MAGI2: variants seen among roughly 807,000 people sequenced by gnomAD.
MAGI2 encodes membrane associated guanylate kinase, WW and PDZ domain containing 2.
A neutral mutation model predicts 133.3 loss-of-function variants in MAGI2; 35 were observed. The observed-to-expected ratio is 0.26, with a 90% confidence interval of 0.20 to 0.35. The LOEUF is 0.35. Among genes scored for constraint, MAGI2 ranks in the 10% least tolerant of loss-of-function variants. The pLI is 1.00. For missense variants in MAGI2, 1,636 were observed against 1,863.4 expected (o/e 0.88, Z 2.25); for synonymous variants, 729 against 710.6 (o/e 1.03, Z -0.41).
At chr7:79,231,923 T>C (rs1209242401) in intron 1 of MAGI2, among the ~76,000 whole-genome samples, 1 of 152,210 alleles carries the variant, frequency 6.6e-6, no homozygotes, top group South Asian at 2.1e-4. Context: ...TGATGCTGGC[T>C]GTGGGTTTGT....
chr7:79,171,770 ATTT>A (rs144599296), intron 1 of MAGI2, among the ~76,000 whole-genome samples: 480 of 31,210 alleles, frequency 0.015, 11 homozygotes, highest in African/African-American at 0.03. Flanking sequence ...ATATATATAT[ATTT>A]TTTTTTTTTT....
At chr7:78,322,146 C>A (rs1315183220) in intron 9 of MAGI2, among the ~76,000 whole-genome samples, 3 of 152,180 alleles carry the variant, frequency 2.0e-5, no homozygotes, top group African/African-American at 7.2e-5. Context: ...AATAGGAACA[C>A]TTTTACACTG....
chr7:78,556,638 C>T (rs2192658), intron 3 of MAGI2, among the ~76,000 whole-genome samples: 21,739 of 152,140 alleles, frequency 0.14, 2,371 homozygotes, highest in East Asian at 0.53. Flanking sequence ...AGAACCAATG[C>T]TAAGAACAAG....
chr7:78,828,153 G>A (rs1421939035), intron 2 of MAGI2, among the ~76,000 whole-genome samples: 1 of 152,168 alleles, frequency 6.6e-6, no homozygotes, highest in African/African-American at 2.4e-5. Flanking sequence ...CCAAAGTGCT[G>A]GGATTACAGG....
At chr7:78,680,169 A>G (rs1815491642) in intron 2 of MAGI2, among the ~76,000 whole-genome samples, 1 of 152,162 alleles carries the variant, frequency 6.6e-6, no homozygotes, top group Admixed American at 6.6e-5. Context: ...CTGAAAAATA[A>G]TGACGTGCTT....
intron 1 of MAGI2, among the ~76,000 whole-genome samples, chr7:79,196,892 C>A (rs1369520105): frequency 6.6e-6 from 1 of 151,814 alleles, no homozygotes. Flanking sequence ...CCCAGCCTCC[C>A]AAGTAGCTGG....
intron 1 of MAGI2, chr7:79,414,571 T>A (rs564571664): frequency 3.7e-4 from 57 of 152,210 alleles, no homozygotes; most frequent in African/African-American, 1.3e-3. Context: ...ATCTATTTGT[T>A]TAAAAATATT....
intron 2 of MAGI2, among the ~76,000 whole-genome samples, chr7:78,641,010 C>T (rs1810241460): frequency 6.6e-6 from 1 of 150,580 alleles, no homozygotes; most frequent in South Asian, 2.1e-4. Context: ...ATGATGAGTT[C>T]TCATGAGATC....
At chr7:78,289,704 G>A (rs1372423764) in intron 9 of MAGI2, among the ~76,000 whole-genome samples, 3 of 152,208 alleles carry the variant, frequency 2.0e-5, no homozygotes, top group South Asian at 2.1e-4. Flanking sequence ...GGCAGCCAGA[G>A]AGAAATGTTG....
chr7:78,432,346 C>T (rs1289383126), intron 6 of MAGI2, among the ~76,000 whole-genome samples: 3 of 151,958 alleles, frequency 2.0e-5, no homozygotes, highest in Non-Finnish European at 4.4e-5. Context: ...AATTGTAAGG[C>T]TGTACAATTA....
chr7:78,489,609 G>A (rs771559245), intron 6 of MAGI2, 152 bp downstream of exon 6: 65 of 670,754 alleles, frequency 9.7e-5, no homozygotes, highest in Non-Finnish European at 1.4e-4. Flanking sequence ...CTGAAATGCC[G>A]AGTTAATTCT....
chr7:78,179,604 T>G (rs950457626), intron 13 of MAGI2, among the ~76,000 whole-genome samples: 2 of 152,218 alleles, frequency 1.3e-5, no homozygotes, highest in African/African-American at 4.8e-5. Flanking sequence ...TTGTACAAGA[T>G]TCAATGAGCA....
At chr7:78,806,916 A>T (rs1316529012) in intron 2 of MAGI2, among the ~76,000 whole-genome samples, 1 of 145,078 alleles carries the variant, frequency 6.9e-6, no homozygotes, top group Admixed American at 6.8e-5. Flanking sequence ...ATAAAATAAA[A>T]TAAAATAAAT....
chr7:78,030,530 C>T lies in MAGI2; in HGVS notation c.3707-10554G>A, dbSNP rs903850318. 4.5e-4 allele frequency among the ~76,000 whole-genome samples: 68 copies of T among 152,322 alleles called. 1 individual carries two copies. The highest frequency in any genetic ancestry group is 6.8e-3 in the Middle Eastern group (2 of 294). ...TTGGCCTCCCAAAATGCTGGGATTA[C>T]AGGCATGAGCCACTGCACCCGGCCT... On this transcript the variant is annotated intron_variant, in intron 21 of 21. Transcript: ENST00000354212.
chr7:78,732,771 A>G (rs1821491289), intron 2 of MAGI2, among the ~76,000 whole-genome samples: 1 of 145,740 alleles, frequency 6.9e-6, no homozygotes, highest in Non-Finnish European at 1.5e-5. Flanking sequence ...GTAGAATCAT[A>G]GGTGATGTTT....
intron 1 of MAGI2, among the ~76,000 whole-genome samples, chr7:79,168,895 T>TAG (rs1464917331): frequency 2.5e-4 from 2 of 8,008 alleles, no homozygotes; most frequent in East Asian, 2.5e-3. Context: ...GATAGATATA[T>TAG]ATATATATAT....
intron 1 of MAGI2, among the ~76,000 whole-genome samples, chr7:79,054,271 T>C (rs1342513231): frequency 6.6e-6 from 1 of 151,898 alleles, no homozygotes; most frequent in Admixed American, 6.6e-5. Context: ...AATAGTAAAA[T>C]AAGAAAAAGT....
At chr7:79,105,824 G>T (rs1818405785) in intron 1 of MAGI2, among the ~76,000 whole-genome samples, 1 of 151,224 alleles carries the variant, frequency 6.6e-6, no homozygotes, top group Admixed American at 6.6e-5. Flanking sequence ...ATACTGCAAT[G>T]TTCACCTGGT....
At chr7:79,422,960 C>A (rs570499147) in intron 1 of MAGI2, among the ~76,000 whole-genome samples, 1 of 151,818 alleles carries the variant, frequency 6.6e-6, no homozygotes, top group East Asian at 1.9e-4. Flanking sequence ...ATTTGAGCAA[C>A]CATAAATGGT....
Sources: gnomAD v4.1 joint callset for allele counts (sites outside exome capture counted in the v4.1 genomes callset) on GRCh38, gnomAD v4.1.1 for gene constraint, MANE v1.5 for transcripts, NCBI Gene and HGNC (gene_info 2026-07-23, HGNC 2026-07-21) for gene names.